MEGF11: variants seen among roughly 807,000 people sequenced by gnomAD.
The protein encoded by MEGF11 is multiple EGF like domains 11.
Under a neutral mutation model 146.6 loss-of-function variants are expected in MEGF11, and 126 were observed. That is an observed-to-expected ratio of 0.86 (90% CI 0.74 to 1.00). The LOEUF is 1.00. MEGF11 is among the 50% of genes least tolerant of loss of function. The probability of loss-of-function intolerance (pLI) is 0.00; values close to 1 mark genes in which losing one functional copy is unlikely to be tolerated. For synonymous variants in MEGF11, 532 were observed against 583.4 expected (o/e 0.91, Z 1.27); for missense variants, 1,509 against 1,521.2 (o/e 0.99, Z 0.13).
At chr15:66,138,126 C>T (rs2088976671) in intron 1 of MEGF11, among the ~76,000 whole-genome samples, 1 of 152,180 alleles carries the variant, frequency 6.6e-6, no homozygotes, top group South Asian at 2.1e-4. Context: ...GAGGGCCCTA[C>T]AGGCAACTCC....
chr15:65,979,942 A>G (rs753357403), intron 7 of MEGF11, among the ~76,000 whole-genome samples: 2 of 152,146 alleles, frequency 1.3e-5, no homozygotes, highest in African/African-American at 4.8e-5. Context: ...CCTTTCCCAC[A>G]GTGGTTTTTC....
chr15:66,196,591 G>C (rs946008615), intron 1 of MEGF11, among the ~76,000 whole-genome samples: 3 of 152,200 alleles, frequency 2.0e-5, no homozygotes, highest in African/African-American at 7.2e-5. Flanking sequence ...TGTTTAGAAA[G>C]GTCACTCTAC....
At chr15:66,076,529 C>A in intron 5 of MEGF11, among the ~76,000 whole-genome samples, 1 of 152,188 alleles carries the variant, frequency 6.6e-6, no homozygotes, top group East Asian at 1.9e-4. Context: ...GTCTCCAGTT[C>A]TGCCACTGCC....
At chr15:66,045,665 T>C (rs1175250468) in intron 5 of MEGF11, among the ~76,000 whole-genome samples, 1 of 152,188 alleles carries the variant, frequency 6.6e-6, no homozygotes. Context: ...TTCTGACATA[T>C]ACCCTAACTC....
At chr15:65,946,454 G>C (rs1469432442) in intron 10 of MEGF11, among the ~76,000 whole-genome samples, 1 of 152,208 alleles carries the variant, frequency 6.6e-6, no homozygotes, top group African/African-American at 2.4e-5. Context: ...CACCCAGGCT[G>C]GAGTACAGTG....
At chr15:65,980,344 C>T (rs1285495533) in intron 7 of MEGF11, among the ~76,000 whole-genome samples, 1 of 151,114 alleles carries the variant, frequency 6.6e-6, no homozygotes, top group Non-Finnish European at 1.5e-5. Context: ...TTAGTGATGC[C>T]CTATGGCGAT....
At chr15:66,181,660 A>G (rs1343517283) in intron 1 of MEGF11, among the ~76,000 whole-genome samples, 1 of 151,990 alleles carries the variant, frequency 6.6e-6, no homozygotes, top group Non-Finnish European at 1.5e-5. Context: ...TCCTAATCTC[A>G]TCTGTGGAAA....
At chr15:65,926,889 T>A (rs2079389954) in intron 13 of MEGF11, among the ~76,000 whole-genome samples, 1 of 152,172 alleles carries the variant, frequency 6.6e-6, no homozygotes, top group African/African-American at 2.4e-5. Context: ...TGACCAGGGT[T>A]GAGCCTTATT....
At chr15:66,245,015 G>A (rs1450008878) in intron 1 of MEGF11, among the ~76,000 whole-genome samples, 2 of 152,166 alleles carry the variant, frequency 1.3e-5, no homozygotes, top group East Asian at 1.9e-4. Context: ...TGTGGTGCGG[G>A]CAATAATTGC....
At chr15:66,153,568 A>G (rs1315062733) in intron 1 of MEGF11, among the ~76,000 whole-genome samples, 1 of 137,372 alleles carries the variant, frequency 7.3e-6, no homozygotes, top group African/African-American at 2.4e-5. Context: ...GCGAGACTCC[A>G]TCTCAAAAAA....
At chr15:65,947,338 A>G (rs908996962) in intron 10 of MEGF11, among the ~76,000 whole-genome samples, 1 of 152,104 alleles carries the variant, frequency 6.6e-6, no homozygotes, top group Non-Finnish European at 1.5e-5. Context: ...TCTTTGTTCC[A>G]GGCCTGCAGA....
chr15:65,993,605 C>T (rs1166427561), intron 5 of MEGF11, among the ~76,000 whole-genome samples: 1 of 152,210 alleles, frequency 6.6e-6, no homozygotes, highest in Non-Finnish European at 1.5e-5. Context: ...GTGGCCCCCT[C>T]ACTTGCCTTT....
At chr15:66,100,898 G>T (rs1480927872) in intron 4 of MEGF11, among the ~76,000 whole-genome samples, 1 of 151,120 alleles carries the variant, frequency 6.6e-6, no homozygotes, top group Non-Finnish European at 1.5e-5. Flanking sequence ...GCGAGCGTGT[G>T]GGTGGGTGGG....
At chr15:66,225,241 C>T (rs928713579) in intron 1 of MEGF11, among the ~76,000 whole-genome samples, 2 of 152,226 alleles carry the variant, frequency 1.3e-5, no homozygotes, top group Non-Finnish European at 2.9e-5. Flanking sequence ...CTCAAACCTG[C>T]AGGAGCCATT....
intron 5 of MEGF11, among the ~76,000 whole-genome samples, chr15:66,073,813 A>T (rs2085468704): frequency 6.6e-6 from 1 of 152,216 alleles, no homozygotes; most frequent in Non-Finnish European, 1.5e-5. Flanking sequence ...TGTCAGACCC[A>T]TAGTGGGTGC....
chr15:66,046,281 G>A (rs1412202526), intron 5 of MEGF11, among the ~76,000 whole-genome samples: 3 of 151,902 alleles, frequency 2.0e-5, no homozygotes, highest in East Asian at 1.9e-4. Flanking sequence ...AGCCCTTAAC[G>A]TACACCCAGG....
chr15:66,159,334 C>T (rs115938497), intron 1 of MEGF11, among the ~76,000 whole-genome samples: 4,388 of 152,272 alleles, frequency 0.029, 199 homozygotes, highest in African/African-American at 0.098. Flanking sequence ...TATTTTCCTT[C>T]CCCTCCTCTA....
chr15:66,083,684 T>TG (rs1326128469), intron 5 of MEGF11, among the ~76,000 whole-genome samples: 2 of 151,592 alleles, frequency 1.3e-5, no homozygotes, highest in East Asian at 3.9e-4. Context: ...TAGGCTGAGG[T>TG]GGGGGCATTG....
At chr15:66,030,473 G>A (rs2083477294) in intron 5 of MEGF11, among the ~76,000 whole-genome samples, 1 of 152,146 alleles carries the variant, frequency 6.6e-6, no homozygotes, top group African/African-American at 2.4e-5. Flanking sequence ...GCAGTGGCAT[G>A]ATCTTGGCTC....
Sources: allele counts gnomAD v4.1 joint callset (sites outside exome capture counted in the v4.1 genomes callset), GRCh38; gene constraint gnomAD v4.1.1; transcripts MANE v1.5; gene names NCBI Gene and HGNC (gene_info 2026-07-23, HGNC 2026-07-21).